ACACA: variants seen among roughly 807,000 people sequenced by gnomAD.
ACACA encodes the protein acetyl-CoA carboxylase 1.
In ACACA, 103 loss-of-function variants were observed where a neutral mutation model predicts 296.1. That is an observed-to-expected ratio of 0.35 (90% CI 0.30 to 0.41). ACACA has a LOEUF of 0.41. Ranked by LOEUF, ACACA falls within the 10% of genes least tolerant of loss-of-function variation. ACACA has a pLI of 1.00. For missense variants in ACACA, 1,554 were observed against 2,989.7 expected (o/e 0.52, Z 11.20); for synonymous variants, 953 against 1,038.6 (o/e 0.92, Z 1.58).
intron 1 of ACACA, among the ~76,000 whole-genome samples, chr17:37,353,302 T>C (rs981034823): frequency 3.3e-5 from 5 of 152,030 alleles, no homozygotes; most frequent in Non-Finnish European, 7.4e-5. Context: ...GGCATGTGTG[T>C]AAAATATATA....
Position 37,390,303 on chromosome 17 carries a change from A to ATTTTATATATATATATATT in ACACA, c.38+15958_38+15959insAATATATATATATATAAAA, listed in dbSNP as rs1167945419. Among the ~76,000 whole-genome samples the ATTTTATATATATATATATT allele has an allele frequency of 4.5e-4, 9 of 19,940 alleles. 1 individual carries two copies. The highest frequency in any genetic ancestry group is 6.2e-4 in the Non-Finnish European group (8 of 12,872). 13.1% of individuals were successfully genotyped at this position (19,940 alleles called of 152,430 possible). On this transcript the variant is annotated intron_variant, in intron 1 of 55. Coordinates refer to ENST00000616317, the MANE Select transcript of ACACA (RefSeq NM_198834.3). ...TATATATAATTATATATTATACATAATTATATATATATATATATATATATA... is the reference window on the plus strand; with the variant it reads ...TATATATAATTATATATTATACATAATTTTATATATATATATATTTTATATATATATATATATATATATA...
intron 1 of ACACA, among the ~76,000 whole-genome samples, chr17:37,356,373 A>AATT (rs1373780902): frequency 2.0e-5 from 3 of 151,486 alleles, no homozygotes; most frequent in South Asian, 2.1e-4. Flanking sequence ...TAGCTCCTAT[A>AATT]ATTATTATTA....
intron 1 of ACACA, among the ~76,000 whole-genome samples, chr17:37,361,529 T>TG (rs2049405182): frequency 6.6e-6 from 1 of 151,776 alleles, no homozygotes; most frequent in South Asian, 2.1e-4. Context: ...GAAGCTACAG[T>TG]GAAAAAAAAA....
At chr17:37,103,183 T>C (rs1169267827) in intron 52 of ACACA, among the ~76,000 whole-genome samples, 3 of 152,156 alleles carry the variant, frequency 2.0e-5, no homozygotes, top group African/African-American at 7.2e-5. Flanking sequence ...GCCCCGGTAA[T>C]GATTTAGGGG....
At position 37,159,111 on chromosome 17, in the gene ACACA, G is replaced by A. The variant is rs182210624; in HGVS notation, c.5349+2670C>T. Reference sequence around the variant, plus strand: ...GAGGATCACTTGAGCCCAGGAGTTGGCAGATACAGTAGGCTATGAATGTGC... The same window carrying A: ...GAGGATCACTTGAGCCCAGGAGTTGACAGATACAGTAGGCTATGAATGTGC... On this transcript the variant is annotated intron_variant, in intron 42 of 55. Transcript: ENST00000616317. 4.7e-3 allele frequency among the ~76,000 whole-genome samples: 719 copies of A among 152,012 alleles called. 10 individuals carry two copies. Among genetic ancestry groups the A allele is most frequent in the Non-Finnish European group, 3.9e-3 (265 of 67,982 alleles).
At chr17:37,227,990 C>A (rs894058377) in intron 25 of ACACA, among the ~76,000 whole-genome samples, 6 of 152,030 alleles carry the variant, frequency 3.9e-5, no homozygotes, top group Non-Finnish European at 8.8e-5. Context: ...TGTTAATCTC[C>A]CCACTTTGAT....
In ACACA at chr17:37,151,540, G is replaced by A. The variant is rs188624311; in HGVS notation, c.5448-119C>T. On this transcript the variant is annotated intron_variant, in intron 43 of 55. Coordinates refer to ENST00000616317, the MANE Select transcript of ACACA (RefSeq NM_198834.3). ...TATTGAAAGCTTATATTTAATGCCA[G>A]GGCTTTATGTGCTTCCTTTTATACT... 1,439 of 1,231,066 alleles carry A rather than the reference G, an allele frequency of 1.2e-3. 2 individuals are homozygous for A. The highest frequency in any genetic ancestry group is 1.3e-3 in the Non-Finnish European group (1,140 of 870,526). 76.3% of individuals were successfully genotyped at this position (1,231,066 alleles called of 1,614,324 possible).
intron 3 of ACACA, among the ~76,000 whole-genome samples, chr17:37,292,863 CA>C (rs199663318): frequency 2.7e-5 from 4 of 150,566 alleles, no homozygotes; most frequent in Non-Finnish European, 5.9e-5. Flanking sequence ...GACTTAGTCT[CA>C]AAAAAAAAGA....
At chr17:37,332,607 CAAAA>C (rs35940399) in intron 2 of ACACA, among the ~76,000 whole-genome samples, 1 of 63,844 alleles carries the variant, frequency 1.6e-5, no homozygotes, top group Admixed American at 1.5e-4. Flanking sequence ...CCCATCTGTA[CAAAA>C]AAAAAAAAAA....
At chr17:37,199,996 G>T (rs2078173933) in intron 35 of ACACA, 143 bp downstream of exon 35, 1 of 702,914 alleles carries the variant, frequency 1.4e-6, no homozygotes, top group African/African-American at 1.8e-5. Context: ...GGATTACAGA[G>T]AACTGAATAT....
At chr17:37,337,896 G>A (rs144249989) in intron 2 of ACACA, among the ~76,000 whole-genome samples, 1 of 152,034 alleles carries the variant, frequency 6.6e-6, no homozygotes, top group African/African-American at 2.4e-5. Flanking sequence ...AGGAGATCAA[G>A]ACCATCCTGG....
intron 27 of ACACA, 29 bp downstream of exon 27, chr17:37,224,962 AG>A: frequency 1.0e-6 from 1 of 1,002,266 alleles, no homozygotes; most frequent in Non-Finnish European, 1.4e-6. Flanking sequence ...TAGGCAGGAA[AG>A]GGTTATATAT....
intron 45 of ACACA, among the ~76,000 whole-genome samples, chr17:37,147,533 A>C (rs1422142554): frequency 1.3e-5 from 2 of 152,202 alleles, no homozygotes; most frequent in Non-Finnish European, 2.9e-5. Flanking sequence ...CCATCTGAGC[A>C]TGGTAGTTTC....
chr17:37,148,606 G>A lies in ACACA; in HGVS notation c.5679+1258C>T, dbSNP rs73982247. 1.1e-3 allele frequency among the ~76,000 whole-genome samples: 172 copies of A among 152,336 alleles called. 1 individual carries two copies. The highest frequency in any genetic ancestry group is 4.0e-3 in the African/African-American group (167 of 41,570). On this transcript the variant is annotated intron_variant, in intron 45 of 55. Transcript: ENST00000616317. The stretch of plus-strand genomic sequence containing the variant: ...TTGATAAAAAGTTCCTGCAAGTGGA[G>A]TAAACATAATATCTGATACAATTTA...
rs1476250153 is a variant in ACACA at position 37,263,704 on chromosome 17, A to G, written c.1310T>C (p.Val437Ala). ...EAPATIATPAVFEHMEQCAVK... is the reference protein window; with the variant it reads ...EAPATIATPAAFEHMEQCAVK... The stretch of plus-strand genomic sequence containing the variant: ...ATGTACCTGTTCCATGTGTTCAAAT[A>G]CTGCTGGAGTAGCAATAGTAGCAGG... The change falls in exon 11 of 56, where the codon GTA (valine) becomes GCA (alanine). Residue 437 changes from valine to alanine, a missense_variant. Transcript: ENST00000616317. 6.2e-7 allele frequency: 1 copy of G among 1,614,128 alleles called. No homozygotes were observed.
chr17:37,127,713 A>G (rs928150694), intron 47 of ACACA, among the ~76,000 whole-genome samples: 2 of 151,922 alleles, frequency 1.3e-5, no homozygotes, highest in Non-Finnish European at 2.9e-5. Flanking sequence ...GTGTGGTGGC[A>G]TGCACCTTTA....
intron 40 of ACACA, 92 bp downstream of exon 40, chr17:37,181,109 G>C: frequency 7.3e-7 from 1 of 1,373,384 alleles, no homozygotes; most frequent in Non-Finnish European, 1.0e-6. Flanking sequence ...GCCCTTTGGA[G>C]TGCCCCCTTC....
At chr17:37,101,273 T>C (rs2142833254) in intron 52 of ACACA, among the ~76,000 whole-genome samples, 1 of 152,344 alleles carries the variant, frequency 6.6e-6, no homozygotes. Flanking sequence ...TTCTTGTAAC[T>C]TTTTTGTGAA....
Position 37,330,528 on chromosome 17 carries a change from G to T in ACACA, c.86-103C>A. On this transcript the variant is annotated intron_variant, in intron 2 of 55. Coordinates refer to ENST00000616317, the MANE Select transcript of ACACA (RefSeq NM_198834.3). The stretch of plus-strand genomic sequence containing the variant: ...AATAAACCATAGCTGAGACGTGGAA[G>T]CAAGGCAATTTGAGAACTAACTTCC... 4.8e-6 allele frequency: 7 copies of T among 1,466,102 alleles called. No homozygotes were observed. In the South Asian group the frequency reaches 7.0e-5, roughly 15 times the overall value. The allele number at this position is 1,466,102 out of a possible 1,614,324, so 90.8% of individuals were successfully genotyped here.
Sources: allele counts gnomAD v4.1 joint callset (sites outside exome capture counted in the v4.1 genomes callset), GRCh38; gene constraint gnomAD v4.1.1; transcripts MANE v1.5; gene names NCBI Gene and HGNC (gene_info 2026-07-23, HGNC 2026-07-21).